PTPN13: variants seen among roughly 807,000 people sequenced by gnomAD.
PTPN13 encodes the protein protein tyrosine phosphatase non-receptor type 13.
PTPN13 carries 191 observed loss-of-function variants against 284.0 expected under a neutral mutation model. The ratio of observed to expected loss-of-function variants is 0.67; its 90% CI spans 0.60 to 0.76. PTPN13 has a LOEUF of 0.76. Ranked by LOEUF, PTPN13 falls within the 30% of genes least tolerant of loss-of-function variation. The pLI is 0.00. For missense variants in PTPN13, 2,797 were observed against 2,939.9 expected (o/e 0.95, Z 1.12); for synonymous variants, 986 against 1,022.3 (o/e 0.96, Z 0.68).
chr4:86,634,691 C>A (rs1474277279), intron 1 of PTPN13, among the ~76,000 whole-genome samples: 1 of 152,036 alleles, frequency 6.6e-6, no homozygotes, highest in Non-Finnish European at 1.5e-5. Context: ...TGGTGAGTTG[C>A]CAACAAAGCT....
chr4:86,741,894 C>A, intron 16 of PTPN13, 78 bp downstream of exon 16: 1 of 1,265,442 alleles, frequency 7.9e-7, no homozygotes, highest in Non-Finnish European at 1.1e-6. Flanking sequence ...AACAGACTTT[C>A]CTTAGACTCT....
intron 2 of PTPN13, among the ~76,000 whole-genome samples, chr4:86,644,281 G>C (rs1329921351): frequency 6.6e-6 from 1 of 152,088 alleles, no homozygotes; most frequent in Non-Finnish European, 1.5e-5. Context: ...ACAGGTGTGT[G>C]CTACCACGCT....
chr4:86,612,888 C>T (rs889769678), intron 1 of PTPN13, among the ~76,000 whole-genome samples: 3 of 152,080 alleles, frequency 2.0e-5, no homozygotes, highest in African/African-American at 4.8e-5. Flanking sequence ...AAAACAAAGG[C>T]GAAATAAAGT....
At chr4:86,680,351 A>C (rs201873006) in intron 3 of PTPN13, among the ~76,000 whole-genome samples, 37 of 47,312 alleles carry the variant, frequency 7.8e-4, no homozygotes, top group African/African-American at 2.6e-3. Context: ...ATCTATCTCT[A>C]TCTATCTATC....
intron 23 of PTPN13, among the ~76,000 whole-genome samples, chr4:86,760,277 A>G (rs908170285): frequency 1.3e-5 from 2 of 152,198 alleles, no homozygotes; most frequent in African/African-American, 4.8e-5. Context: ...ACATTAGGCA[A>G]AGGAAGACAA....
intron 1 of PTPN13, among the ~76,000 whole-genome samples, chr4:86,623,538 A>G (rs1267663055): frequency 6.6e-6 from 1 of 152,154 alleles, no homozygotes; most frequent in East Asian, 1.9e-4. Flanking sequence ...ACTCATTTCC[A>G]AATAAAGACA....
At chr4:86,700,028 A>T (rs74448417) in intron 6 of PTPN13, among the ~76,000 whole-genome samples, 51 of 152,220 alleles carry the variant, frequency 3.4e-4, no homozygotes, top group African/African-American at 1.1e-3. Context: ...TTTACACTTG[A>T]GTAGATTCAT....
intron 10 of PTPN13, among the ~76,000 whole-genome samples, chr4:86,730,487 G>T (rs1212302926): frequency 6.7e-6 from 1 of 149,704 alleles, no homozygotes; most frequent in African/African-American, 2.4e-5. Flanking sequence ...CAGCCGTTTT[G>T]TTTACCTACT....
At chr4:86,777,471 C>A (rs1382290492) in intron 35 of PTPN13, among the ~76,000 whole-genome samples, 1 of 152,044 alleles carries the variant, frequency 6.6e-6, no homozygotes, top group Non-Finnish European at 1.5e-5. Flanking sequence ...ATAACCTCCC[C>A]ACATCAAAAT....
chr4:86,644,931 G>A (rs1244965838), intron 2 of PTPN13, among the ~76,000 whole-genome samples: 2 of 152,014 alleles, frequency 1.3e-5, no homozygotes, highest in Non-Finnish European at 2.9e-5. Flanking sequence ...CTCAACGCCG[G>A]GCTTGGCAGC....
At chr4:86,636,059 G>A (rs34130647) in intron 2 of PTPN13, among the ~76,000 whole-genome samples, 9,976 of 152,138 alleles carry the variant, frequency 0.066, 451 homozygotes, top group Middle Eastern at 0.12. Flanking sequence ...AAAAAGGAGG[G>A]ATTCAGTGAC....
At chr4:86,692,400 C>T (rs557567063) in intron 5 of PTPN13, among the ~76,000 whole-genome samples, 2 of 152,272 alleles carry the variant, frequency 1.3e-5, no homozygotes, top group South Asian at 4.1e-4. Context: ...GAATATACCA[C>T]CTTAGATGGG....
chr4:86,801,524 T>C (rs1240869918), intron 42 of PTPN13, among the ~76,000 whole-genome samples: 2 of 152,220 alleles, frequency 1.3e-5, no homozygotes, highest in African/African-American at 4.8e-5. Flanking sequence ...TGTAAAACTT[T>C]AGGACAGCAT....
At chr4:86,613,687 A>G (rs986636964) in intron 1 of PTPN13, among the ~76,000 whole-genome samples, 18 of 152,118 alleles carry the variant, frequency 1.2e-4, no homozygotes, top group Admixed American at 4.6e-4. Context: ...CCTGAAATCA[A>G]AGTTCTCAGA....
At chr4:86,763,267 AATCTACAAG>A in intron 24 of PTPN13, 77 bp downstream of exon 24, 1 of 1,154,238 alleles carries the variant, frequency 8.7e-7, no homozygotes, top group Non-Finnish European at 1.2e-6. Flanking sequence ...AGAGCACAAT[AATCTACAAG>A]ATGCTTTCAT....
chr4:86,721,486 G>A (rs901981129), intron 9 of PTPN13, among the ~76,000 whole-genome samples: 1 of 152,064 alleles, frequency 6.6e-6, no homozygotes, highest in Non-Finnish European at 1.5e-5. Flanking sequence ...TAATGATGGT[G>A]CCTTGAAGAA....
chr4:86,687,495 A>C (rs1320372165), intron 4 of PTPN13, among the ~76,000 whole-genome samples: 1 of 152,212 alleles, frequency 6.6e-6, no homozygotes, highest in East Asian at 1.9e-4. Flanking sequence ...TTTATAAGTC[A>C]AAACCAAAAA....
At chr4:86,606,480 ATTGTT>A (rs1764750811) in intron 1 of PTPN13, among the ~76,000 whole-genome samples, 1 of 151,872 alleles carries the variant, frequency 6.6e-6, no homozygotes, top group South Asian at 2.1e-4. Flanking sequence ...CTTTCCACAA[ATTGTT>A]TTGACTACTG....
chr4:86,766,030 G>A (rs935011408), intron 26 of PTPN13, among the ~76,000 whole-genome samples: 1 of 152,150 alleles, frequency 6.6e-6, no homozygotes, highest in Admixed American at 6.5e-5. Flanking sequence ...TTTTCACCAT[G>A]TTGGCCAGGC....
Sources: gnomAD v4.1 joint callset for allele counts (sites outside exome capture counted in the v4.1 genomes callset) on GRCh38, gnomAD v4.1.1 for gene constraint, MANE v1.5 for transcripts, NCBI Gene and HGNC (gene_info 2026-07-23, HGNC 2026-07-21) for gene names.